Variants in STK33 observed in about 807,000 individuals in gnomAD.
STK33 encodes serine/threonine kinase 33.
STK33 carries 52 observed loss-of-function variants against 58.0 expected under a neutral mutation model. The ratio of observed to expected loss-of-function variants is 0.90; its 90% CI spans 0.72 to 1.13. The LOEUF (loss-of-function observed/expected upper bound fraction) is 1.13, where lower values mean the gene tolerates loss of function less well. Ranked by LOEUF, STK33 falls within the 50% of genes most tolerant of loss-of-function variation. STK33 has a pLI of 0.00. For synonymous variants in STK33, 215 were observed against 200.1 expected, an observed-to-expected ratio of 1.07 and a Z score of -0.63; for missense variants, 630 against 604.2, an observed-to-expected ratio of 1.04 and a Z score of -0.45.
chr11:8,345,672 C>T, the STK33 span, among the ~76,000 whole-genome samples: 3 of 152,136 alleles, frequency 2.0e-5, no homozygotes, highest in African/African-American at 7.2e-5. Flanking sequence ...GCCTTGAGGG[C>T]CAGGCTGAGG....
At chr11:8,450,050 G>A (rs1251426637) in intron 11 of STK33, among the ~76,000 whole-genome samples, 1 of 152,096 alleles carries the variant, frequency 6.6e-6, no homozygotes, top group East Asian at 1.9e-4. Flanking sequence ...ATCCATTACT[G>A]CGTATATATA....
chr11:8,436,487 T>C (rs1944084032), intron 12 of STK33, among the ~76,000 whole-genome samples: 1 of 152,142 alleles, frequency 6.6e-6, no homozygotes, highest in South Asian at 2.1e-4. Context: ...ATAATAGTGG[T>C]AGCTAATACA....
intron 1 of STK33, among the ~76,000 whole-genome samples, chr11:8,526,512 G>A (rs1954039166): frequency 1.3e-5 from 2 of 151,970 alleles, no homozygotes; most frequent in Non-Finnish European, 2.9e-5. Flanking sequence ...TCTTAAGTAT[G>A]TTCCCAACTT....
At chr11:8,555,824 A>G (rs1956708925) in intron 1 of STK33, among the ~76,000 whole-genome samples, 2 of 152,188 alleles carry the variant, frequency 1.3e-5, no homozygotes, top group Admixed American at 1.3e-4. Flanking sequence ...ATAAATGTAT[A>G]CAATTATGAT....
intron 1 of STK33, among the ~76,000 whole-genome samples, chr11:8,512,277 G>T (rs1306702907): frequency 6.6e-6 from 1 of 151,866 alleles, no homozygotes; most frequent in African/African-American, 2.4e-5. Flanking sequence ...TATTTATTGG[G>T]CACCTAATTT....
At chr11:8,567,337 C>T (rs1257436918) in intron 1 of STK33, 1 of 152,038 alleles carries the variant, frequency 6.6e-6, no homozygotes, top group African/African-American at 2.4e-5. Flanking sequence ...ATGGGGTTAT[C>T]ATGAAGATCA....
intron 1 of STK33, among the ~76,000 whole-genome samples, chr11:8,564,304 T>A (rs1957309499): frequency 6.6e-6 from 1 of 152,190 alleles, no homozygotes; most frequent in African/African-American, 2.4e-5. Context: ...CTTTGGGCAT[T>A]GATGGATTAA....
At chr11:8,375,485 T>C in the STK33 span, among the ~76,000 whole-genome samples, 1 of 152,198 alleles carries the variant, frequency 6.6e-6, no homozygotes, top group African/African-American at 2.4e-5. Context: ...AAGGTAAAAA[T>C]AATAGAACTA....
chr11:8,559,249 C>T (rs1195021802), intron 1 of STK33, among the ~76,000 whole-genome samples: 1 of 152,108 alleles, frequency 6.6e-6, no homozygotes, highest in Non-Finnish European at 1.5e-5. Context: ...CTCACATATC[C>T]CCAACACCTT....
At chr11:8,435,912 C>A (rs1160877639) in intron 13 of STK33, 115 bp downstream of exon 13, 3 of 557,894 alleles carry the variant, frequency 5.4e-6, no homozygotes, top group Non-Finnish European at 8.7e-6. Context: ...AAATAGTGTT[C>A]ATTTCCACAA....
intron 1 of STK33, among the ~76,000 whole-genome samples, chr11:8,533,988 A>G (rs961056917): frequency 3.3e-5 from 5 of 152,126 alleles, no homozygotes; most frequent in Non-Finnish European, 5.9e-5. Flanking sequence ...CTCAAACTGT[A>G]TATGTGCCGG....
chr11:8,558,070 A>G (rs1243041804), intron 1 of STK33, among the ~76,000 whole-genome samples: 3 of 152,216 alleles, frequency 2.0e-5, no homozygotes, highest in Non-Finnish European at 2.9e-5. Context: ...ACCAACTGCC[A>G]ACAAGGAACT....
intron 1 of STK33, among the ~76,000 whole-genome samples, chr11:8,572,950 T>C (rs1282409047): frequency 6.6e-6 from 1 of 152,108 alleles, no homozygotes; most frequent in South Asian, 2.1e-4. Flanking sequence ...GCATTCTTAA[T>C]ACTTTTTTTT....
At chr11:8,499,092 T>C (rs1488518853) in intron 1 of STK33, among the ~76,000 whole-genome samples, 1 of 152,154 alleles carries the variant, frequency 6.6e-6, no homozygotes, top group Non-Finnish European at 1.5e-5. Context: ...GGGATCTAAT[T>C]AAACTGAAGA....
At position 8,392,327 on chromosome 11, in the gene STK33, C is replaced by A; in HGVS notation, c.*183G>T. 1.4e-6 allele frequency: 1 copy of A among 702,912 alleles called. No homozygotes were observed. Among genetic ancestry groups the A allele is most frequent in the Non-Finnish European group, 2.4e-6 (1 of 417,714 alleles). 43.5% of individuals were successfully genotyped at this position (702,912 alleles called of 1,614,324 possible). ...GGTGGCTGTCCTTTAATGCCATGTGCAGCTTATGCTGCTTTGGAGATAAGC... is the reference window on the plus strand; with the variant it reads ...GGTGGCTGTCCTTTAATGCCATGTGAAGCTTATGCTGCTTTGGAGATAAGC... On this transcript the variant is annotated 3_prime_UTR_variant, in exon 16 of 16. Transcript: ENST00000687296.
intron 1 of STK33, among the ~76,000 whole-genome samples, chr11:8,517,996 T>A (rs909964839): frequency 2.6e-5 from 4 of 151,892 alleles, no homozygotes; most frequent in Non-Finnish European, 5.9e-5. Context: ...GAGAACACCA[T>A]AAAGATACTC....
chr11:8,367,868 T>C, the STK33 span, among the ~76,000 whole-genome samples: 1 of 152,054 alleles, frequency 6.6e-6, no homozygotes, highest in South Asian at 2.1e-4. Context: ...GTGGACACAC[T>C]CATCACACAC....
At chr11:8,521,280 A>C (rs2139824192) in intron 1 of STK33, among the ~76,000 whole-genome samples, 2 of 152,282 alleles carry the variant, frequency 1.3e-5, no homozygotes, top group South Asian at 2.1e-4. Context: ...AAACAGAGAT[A>C]TAGACCAATG....
At chr11:8,567,210 T>C (rs1271870858) in intron 1 of STK33, 1 of 152,144 alleles carries the variant, frequency 6.6e-6, no homozygotes, top group African/African-American at 2.4e-5. Flanking sequence ...AATTCAAGCA[T>C]AGACTAGGGT....
Sources: allele counts gnomAD v4.1 joint callset (sites outside exome capture counted in the v4.1 genomes callset), GRCh38; gene constraint gnomAD v4.1.1; transcripts MANE v1.5; gene names NCBI Gene and HGNC (gene_info 2026-07-23, HGNC 2026-07-21).